IRAK1BP1: variants seen among roughly 807,000 people sequenced by gnomAD.
IRAK1BP1 encodes interleukin-1 receptor-associated kinase 1-binding protein 1.
Under a neutral mutation model 28.0 loss-of-function variants are expected in IRAK1BP1, and 24 were observed. The observed-to-expected ratio is 0.86, with a 90% CI of 0.62 to 1.20. The LOEUF is 1.20. Ranked by LOEUF, IRAK1BP1 falls within the 50% of genes most tolerant of loss-of-function variation. IRAK1BP1 has a pLI of 0.00. For missense variants in IRAK1BP1, 336 were observed against 316.7 expected (o/e 1.06, Z -0.46); for synonymous variants, 131 against 116.3 (o/e 1.13, Z -0.81).
the IRAK1BP1 span, chr6:78,965,857 TAAAAG>T: frequency 5.9e-6 from 7 of 1,192,822 alleles, no homozygotes; most frequent in Non-Finnish European, 8.6e-6. Context: ...CTTCTGTGTT[TAAAAG>T]AAGTCTCTTT....
chr6:78,926,357 A>G (rs1451111123), intron 4 of IRAK1BP1, among the ~76,000 whole-genome samples: 4 of 152,156 alleles, frequency 2.6e-5, no homozygotes, highest in Admixed American at 2.6e-4. Flanking sequence ...ACTAAAAGAC[A>G]CATGCACTTG....
the IRAK1BP1 span, chr6:78,978,679 A>T: frequency 6.3e-7 from 1 of 1,595,816 alleles, no homozygotes; most frequent in South Asian, 1.1e-5. Context: ...CTAATGTCAA[A>T]CCATTTTCAG....
intron 4 of IRAK1BP1, among the ~76,000 whole-genome samples, chr6:78,920,040 G>A (rs1220081463): frequency 5.9e-5 from 9 of 152,140 alleles, no homozygotes; most frequent in Non-Finnish European, 1.3e-4. Flanking sequence ...TGGATCACGA[G>A]GTCAGGAAAT....
At chr6:78,878,179 C>T (rs1363231115) in intron 1 of IRAK1BP1, among the ~76,000 whole-genome samples, 2 of 152,148 alleles carry the variant, frequency 1.3e-5, no homozygotes, top group African/African-American at 2.4e-5. Context: ...GATCTGAGAA[C>T]GGACAGACTG....
At chr6:78,955,018 T>G in the IRAK1BP1 span, 2 of 1,315,670 alleles carry the variant, frequency 1.5e-6, no homozygotes, top group African/African-American at 3.0e-5. Context: ...CAATAAAATT[T>G]GTACTTTTAA....
intron 4 of IRAK1BP1, among the ~76,000 whole-genome samples, chr6:78,921,212 G>T (rs1772715608): frequency 1.3e-5 from 2 of 152,108 alleles, no homozygotes; most frequent in African/African-American, 2.4e-5. Context: ...TAGAAAATCG[G>T]GTAACTCCCA....
At chr6:78,942,015 C>T (rs1773527256) in intron 4 of IRAK1BP1, among the ~76,000 whole-genome samples, 1 of 150,880 alleles carries the variant, frequency 6.6e-6, no homozygotes, top group Non-Finnish European at 1.5e-5. Flanking sequence ...ACAGGAACTA[C>T]CAGTAACTAA....
the IRAK1BP1 span, among the ~76,000 whole-genome samples, chr6:78,971,607 T>G: frequency 6.6e-6 from 1 of 152,100 alleles, no homozygotes; most frequent in African/African-American, 2.4e-5. Context: ...TGCATTTCCA[T>G]CTGAGGTAAC....
chr6:78,953,042 G>GTT, the IRAK1BP1 span, among the ~76,000 whole-genome samples: 1 of 143,874 alleles, frequency 7.0e-6, no homozygotes, highest in Admixed American at 6.9e-5. Context: ...TATAGGTGTT[G>GTT]TTTTTTTTTT....
chr6:78,896,093 A>G (rs1771872010), intron 2 of IRAK1BP1, among the ~76,000 whole-genome samples: 1 of 152,168 alleles, frequency 6.6e-6, no homozygotes. Context: ...ATTAAAGAGG[A>G]CCTAAATAAA....
chr6:78,870,575 T>A (rs1770761084), intron 1 of IRAK1BP1, among the ~76,000 whole-genome samples: 1 of 152,206 alleles, frequency 6.6e-6, no homozygotes, highest in Admixed American at 6.5e-5. Flanking sequence ...GATCATAGAT[T>A]TATGAACTTG....
At chr6:78,940,306 A>G (rs978309935) in intron 4 of IRAK1BP1, 2 of 151,906 alleles carry the variant, frequency 1.3e-5, no homozygotes, top group Non-Finnish European at 2.9e-5. Context: ...TCATTTTAAC[A>G]TGAAATGCTC....
chr6:78,916,666 G>A (rs1311330932), intron 4 of IRAK1BP1, among the ~76,000 whole-genome samples: 2 of 152,052 alleles, frequency 1.3e-5, no homozygotes, highest in African/African-American at 2.4e-5. Flanking sequence ...TACGTAGTTT[G>A]CCAAGACAGC....
chr6:78,928,932 TTG>T (rs1338400795), intron 4 of IRAK1BP1, among the ~76,000 whole-genome samples: 1 of 152,218 alleles, frequency 6.6e-6, no homozygotes, highest in African/African-American at 2.4e-5. Context: ...TTGAGGATTT[TTG>T]CATCAATATT....
rs60728695 is a variant in IRAK1BP1, at chr6:78,893,314, G to GTATATATATATATA, written c.382-4493_382-4480dup. The stretch of plus-strand genomic sequence containing the variant: ...TATATGTGTGTGTGTGTGTGTGTGT[G>GTATATATATATATA]TATATATATATATATATATATATAT... On this transcript the variant is annotated intron_variant, in intron 2 of 3. Coordinates refer to ENST00000369940, the MANE Select transcript of IRAK1BP1 (RefSeq NM_001010844.4). Among the ~76,000 whole-genome samples the GTATATATATATATA allele has an allele frequency of 5.9e-3, 614 of 103,274 alleles. 11 individuals carry two copies. Among genetic ancestry groups the GTATATATATATATA allele is most frequent in the Middle Eastern group, 0.011 (2 of 180 alleles). 67.8% of individuals were successfully genotyped at this position (103,274 alleles called of 152,430 possible). A position where few individuals can be genotyped will look rare whatever the true frequency, so the allele number is the denominator to read the frequency against.
At chr6:78,950,898 CTT>C (rs2127686736), downstream of IRAK1BP1, among the ~76,000 whole-genome samples, 1 of 152,110 alleles carries the variant, frequency 6.6e-6, no homozygotes, top group South Asian at 2.1e-4. Context: ...TGATTTTACT[CTT>C]CTTTCTCTAG....
chr6:78,920,230 GCAA>G (rs1333542966), intron 4 of IRAK1BP1, among the ~76,000 whole-genome samples: 1 of 152,084 alleles, frequency 6.6e-6, no homozygotes, highest in African/African-American at 2.4e-5. Context: ...CTCCAGCCTG[GCAA>G]CAGAGCAAGA....
Position 78,922,070 on chromosome 6 carries a change from T to C in IRAK1BP1, c.*67+18960T>C, listed in dbSNP as rs150055422. Among the ~76,000 whole-genome samples, 100 of 152,308 alleles carry C rather than the reference T, an allele frequency of 6.6e-4. 1 individual carries two copies. The South Asian group carries it at 8.1e-3, about 12-fold the overall frequency. Reference sequence around the variant, plus strand: ...TCATCAGCAATGGAACAAAGCTGGATGGAGAATGAATTTGACAAGGTGAGA... The same window carrying C: ...TCATCAGCAATGGAACAAAGCTGGACGGAGAATGAATTTGACAAGGTGAGA... On this transcript the variant is annotated intron_variant and NMD_transcript_variant, in intron 4 of 4. Coordinates refer to the IRAK1BP1 transcript ENST00000606868.
rs141604267 is a variant in IRAK1BP1, at chr6:78,886,430, G to A, written c.381+987G>A. Reference sequence around the variant, plus strand: ...AAGGAATTTTTAAATTACTCATTATGATTTTAGGGATCCACTTGGCAAAAC... The same window carrying A: ...AAGGAATTTTTAAATTACTCATTATAATTTTAGGGATCCACTTGGCAAAAC... On this transcript the variant is annotated intron_variant, in intron 2 of 3. Transcript: ENST00000369940. 6.4e-3 allele frequency among the ~76,000 whole-genome samples: 975 copies of A among 152,214 alleles called. 10 individuals carry two copies. Among genetic ancestry groups the A allele is most frequent in the African/African-American group, 0.022 (934 of 41,534 alleles).
Sources: gnomAD v4.1 joint callset for allele counts (sites outside exome capture counted in the v4.1 genomes callset) on GRCh38, gnomAD v4.1.1 for gene constraint, MANE v1.5 for transcripts, NCBI Gene and HGNC (gene_info 2026-07-23, HGNC 2026-07-21) for gene names.